SLIT3: variants seen among roughly 807,000 people sequenced by gnomAD.
The protein encoded by SLIT3 is slit homolog 3 protein.
Under a neutral mutation model 184.0 loss-of-function variants are expected in SLIT3, and 68 were observed. The ratio of observed to expected loss-of-function variants is 0.37; its 90% CI spans 0.30 to 0.45. The LOEUF (loss-of-function observed/expected upper bound fraction) is 0.45. Among genes scored for constraint, SLIT3 ranks in the 20% least tolerant of loss-of-function variants. The pLI is 1.00. For synonymous variants in SLIT3, 831 were observed against 828.6 expected (o/e 1.00, Z -0.05); for missense variants, 1,707 against 2,026.0 (o/e 0.84, Z 3.02).
intron 3 of SLIT3, among the ~76,000 whole-genome samples, chr5:169,227,420 G>A (rs1478274453): frequency 6.6e-6 from 1 of 152,090 alleles, no homozygotes; most frequent in East Asian, 1.9e-4. Context: ...GCAAAAATAA[G>A]TGTGGTTTTG....
rs752107934 is a variant in SLIT3 at position 169,089,200 on chromosome 5, G to A, written c.413+104279C>T. On this transcript the variant is annotated intron_variant, in intron 4 of 35. Transcript: ENST00000519560. ...AATGTAGGACCCCTTCCCAACCAGA[G>A]GCAGAACCTGCTTCATCCTTCATGC... Among the ~76,000 whole-genome samples, 14 of 152,156 alleles carry A rather than the reference G, an allele frequency of 9.2e-5. No individual in the cohort carries two copies. The South Asian group carries it at 1.0e-3, about 11-fold the overall frequency.
At chr5:168,822,861 C>T (rs986307713) in intron 7 of SLIT3, among the ~76,000 whole-genome samples, 2 of 152,166 alleles carry the variant, frequency 1.3e-5, no homozygotes, top group African/African-American at 4.8e-5. Flanking sequence ...CACTGGCAAT[C>T]TGACAGAACT....
rs551680534 is a variant in SLIT3 at position 168,886,505 on chromosome 5, A to G, written c.414-3169T>C. Among the ~76,000 whole-genome samples the G allele has an allele frequency of 1.2e-3, 189 of 152,274 alleles. 1 individual carries two copies. Among genetic ancestry groups the G allele is most frequent in the African/African-American group, 4.4e-3 (181 of 41,550 alleles). ...ATAAAAATAACAAAATCTATCCACGATGCCCAAGAGCCTAGCGCTGGCCAA... is the reference window on the plus strand; with the variant it reads ...ATAAAAATAACAAAATCTATCCACGGTGCCCAAGAGCCTAGCGCTGGCCAA... On this transcript the variant is annotated intron_variant, in intron 4 of 35. Coordinates refer to ENST00000519560, the MANE Select transcript of SLIT3 (RefSeq NM_003062.4).
At chr5:168,878,566 G>A (rs13188090) in intron 5 of SLIT3, among the ~76,000 whole-genome samples, 46,591 of 152,074 alleles carry the variant, frequency 0.31, 7,720 homozygotes, top group Non-Finnish European at 0.36. Context: ...TGTCCATGGC[G>A]AAAGTCCAAA....
At chr5:169,180,706 G>T (rs1162708106) in intron 4 of SLIT3, among the ~76,000 whole-genome samples, 1 of 152,166 alleles carries the variant, frequency 6.6e-6, no homozygotes, top group African/African-American at 2.4e-5. Flanking sequence ...TTTCCCTGCT[G>T]CTTCTTTTTC....
intron 4 of SLIT3, among the ~76,000 whole-genome samples, chr5:169,096,274 A>G (rs1759776128): frequency 6.6e-6 from 1 of 152,228 alleles, no homozygotes; most frequent in Non-Finnish European, 1.5e-5. Context: ...GTTTCCAGCT[A>G]TTTGAGAGTA....
intron 4 of SLIT3, among the ~76,000 whole-genome samples, chr5:169,004,929 T>C (rs1382689310): frequency 1.3e-5 from 2 of 152,286 alleles, no homozygotes; most frequent in South Asian, 2.1e-4. Flanking sequence ...AAAATAAGTG[T>C]CTGCTGTCTA....
intron 5 of SLIT3, among the ~76,000 whole-genome samples, chr5:168,852,472 A>C (rs977631410): frequency 7.2e-5 from 11 of 152,234 alleles, no homozygotes; most frequent in Non-Finnish European, 1.5e-4. Flanking sequence ...GTCAGTGCCC[A>C]GGTGAGATGT....
chr5:168,770,200 T>C (rs1406437340), intron 14 of SLIT3, among the ~76,000 whole-genome samples: 1 of 152,128 alleles, frequency 6.6e-6, no homozygotes, highest in African/African-American at 2.4e-5. Context: ...AACCCTAAAC[T>C]GATCTTGCTG....
chr5:168,798,226 T>TTCTTCTTC (rs1756643075), intron 9 of SLIT3, among the ~76,000 whole-genome samples: 1 of 125,272 alleles, frequency 8.0e-6, no homozygotes, highest in African/African-American at 4.1e-5. Flanking sequence ...TCTTCTTCTT[T>TTCTTCTTC]TTTTTTTTTT....
At chr5:168,806,037 C>G (rs892681968) in intron 9 of SLIT3, among the ~76,000 whole-genome samples, 2 of 152,188 alleles carry the variant, frequency 1.3e-5, no homozygotes, top group Non-Finnish European at 2.9e-5. Context: ...CAGCGTGACT[C>G]TAAGGGGAGT....
chr5:169,221,747 C>T (rs1350753048), intron 3 of SLIT3, among the ~76,000 whole-genome samples: 4 of 152,232 alleles, frequency 2.6e-5, no homozygotes, highest in Non-Finnish European at 5.9e-5. Context: ...TGCCTTTCAT[C>T]ACGTCTTGGT....
chr5:168,696,467 G>T, intron 27 of SLIT3, 36 bp from the exon 28 acceptor site: 1 of 1,612,680 alleles, frequency 6.2e-7, no homozygotes, highest in Non-Finnish European at 8.5e-7. Flanking sequence ...AGGGGAGTCA[G>T]GGGTCAGGGA....
intron 9 of SLIT3, among the ~76,000 whole-genome samples, chr5:168,803,470 C>A (rs1427560616): frequency 6.6e-6 from 1 of 152,220 alleles, no homozygotes; most frequent in Admixed American, 6.5e-5. Context: ...TGAGTCCAAC[C>A]TTTCAGGTAT....
intron 6 of SLIT3, among the ~76,000 whole-genome samples, chr5:168,827,491 T>C (rs59344702): frequency 0.11 from 16,559 of 152,270 alleles, 1,107 homozygotes; most frequent in African/African-American, 0.19. Flanking sequence ...CTCTTGCTTC[T>C]GTTGTCACAT....
At chr5:168,989,860 A>C (rs1160018974) in intron 4 of SLIT3, among the ~76,000 whole-genome samples, 1 of 152,204 alleles carries the variant, frequency 6.6e-6, no homozygotes, top group African/African-American at 2.4e-5. Flanking sequence ...TTTTCTGCAA[A>C]GTGAAGGGGC....
intron 4 of SLIT3, among the ~76,000 whole-genome samples, chr5:169,082,808 C>A (rs1436751444): frequency 1.3e-5 from 2 of 152,190 alleles, no homozygotes; most frequent in African/African-American, 2.4e-5. Flanking sequence ...ATGATTGGTA[C>A]CTTACATCAG....
At chr5:168,699,789 G>C (rs1298716281) in intron 27 of SLIT3, among the ~76,000 whole-genome samples, 43 of 152,142 alleles carry the variant, frequency 2.8e-4, no homozygotes, top group Admixed American at 2.7e-3. Flanking sequence ...GGATTTAAAT[G>C]AGAAAATACT....
At chr5:169,170,182 C>CA (rs1762772601) in intron 4 of SLIT3, among the ~76,000 whole-genome samples, 1 of 152,234 alleles carries the variant, frequency 6.6e-6, no homozygotes. Context: ...GCCGCCTCCA[C>CA]ACCCACTGGC....
Sources: allele counts gnomAD v4.1 joint callset (sites outside exome capture counted in the v4.1 genomes callset), GRCh38; gene constraint gnomAD v4.1.1; transcripts MANE v1.5; gene names NCBI Gene and HGNC (gene_info 2026-07-23, HGNC 2026-07-21).